The following MAML3 variants were observed in gnomAD, a reference collection of about 807,000 sequenced individuals.
The protein encoded by MAML3 is mastermind-like protein 3.
A neutral mutation model predicts 101.9 loss-of-function variants in MAML3; 27 were observed. The observed-to-expected ratio is 0.27, with a 90% CI of 0.20 to 0.37. MAML3 has a LOEUF of 0.37. Among genes scored for constraint, MAML3 ranks in the 10% least tolerant of loss-of-function variants. The probability of loss-of-function intolerance (pLI) is 1.00; values close to 1 mark genes in which losing one functional copy is unlikely to be tolerated. For synonymous variants in MAML3, 501 were observed against 555.9 expected (o/e 0.90, Z 1.39); for missense variants, 1,316 against 1,444.9 (o/e 0.91, Z 1.45).
At chr4:139,837,114 C>T (rs1259854629) in intron 2 of MAML3, among the ~76,000 whole-genome samples, 1 of 120,090 alleles carries the variant, frequency 8.3e-6, no homozygotes, top group African/African-American at 3.0e-5. Flanking sequence ...AAGAATGAAA[C>T]TCTGTCTCAA....
intron 1 of MAML3, among the ~76,000 whole-genome samples, chr4:140,100,213 T>C (rs901295195): frequency 1.3e-5 from 2 of 152,160 alleles, no homozygotes; most frequent in African/African-American, 4.8e-5. Flanking sequence ...TTAGCCCCAG[T>C]GCCACTTCCT....
chr4:139,998,419 T>C (rs1413131173), intron 1 of MAML3, among the ~76,000 whole-genome samples: 4 of 152,246 alleles, frequency 2.6e-5, no homozygotes, highest in Non-Finnish European at 5.9e-5. Context: ...AGTATTGTTA[T>C]ACTTTCCTTT....
At chr4:139,767,609 G>T (rs560450766) in intron 2 of MAML3, among the ~76,000 whole-genome samples, 18 of 152,286 alleles carry the variant, frequency 1.2e-4, no homozygotes, top group Admixed American at 3.9e-4. Flanking sequence ...GGTGATTTTG[G>T]AGTCCCATTA....
intron 2 of MAML3, among the ~76,000 whole-genome samples, chr4:139,885,982 TAAAGAAATAATATAAGAAC>T (rs1164847200): frequency 3.8e-4 from 38 of 100,524 alleles, no homozygotes; most frequent in South Asian, 3.4e-4. Flanking sequence ...GTAAAGGGAA[TAAAGAAATAATATAAGAAC>T]AAAGAAATAA....
At position 140,153,288 on chromosome 4, in the gene MAML3, T is replaced by C; in HGVS notation, c.40A>G (p.Ser14Gly). 1 of 1,604,994 alleles carries C rather than the reference T, an allele frequency of 6.2e-7. No individual in the cohort carries two copies. The highest frequency in any genetic ancestry group is 8.5e-7 in the Non-Finnish European group (1 of 1,175,352). Residue 14 changes from serine to glycine, a missense_variant, in exon 1 of 5, where the codon AGT becomes GGT. Ser to Gly is a moderately conservative substitution (Grantham distance 56). Coordinates refer to ENST00000509479, the MANE Select transcript of MAML3 (RefSeq NM_018717.5). ...FAAPAAAANG[S>G]SICINSSLNS... The stretch of plus-strand genomic sequence containing the variant: ...AGGCTACTGTTGATGCAAATACTAC[T>C]GCCATTCGCGGCAGCAGCGGGGGCT...
chr4:139,914,687 C>T (rs947886278), intron 1 of MAML3, among the ~76,000 whole-genome samples: 1 of 152,202 alleles, frequency 6.6e-6, no homozygotes, highest in Non-Finnish European at 1.5e-5. Context: ...AGAAATTCAA[C>T]GTTAATTGGG....
intron 1 of MAML3, among the ~76,000 whole-genome samples, chr4:140,029,363 G>C (rs746281068): frequency 2.6e-5 from 4 of 152,148 alleles, no homozygotes; most frequent in Admixed American, 6.5e-5. Flanking sequence ...CCACAAACTA[G>C]GAGAAATGCT....
intron 1 of MAML3, among the ~76,000 whole-genome samples, chr4:139,894,751 T>C (rs73854881): frequency 0.032 from 4,897 of 152,070 alleles, 249 homozygotes; most frequent in African/African-American, 0.11. Context: ...GCTCAACTCA[T>C]TGTATTACAC....
At chr4:139,729,891 G>A (rs1304277956) in intron 3 of MAML3, among the ~76,000 whole-genome samples, 3 of 152,204 alleles carry the variant, frequency 2.0e-5, no homozygotes, top group African/African-American at 7.2e-5. Flanking sequence ...CCCTGTGTGT[G>A]ACCCAGAGTT....
At chr4:139,929,314 T>C (rs62344955) in intron 1 of MAML3, among the ~76,000 whole-genome samples, 20,530 of 152,264 alleles carry the variant, frequency 0.13, 1,911 homozygotes, top group Non-Finnish European at 0.21. Flanking sequence ...GGCAATGAAA[T>C]TGAATTTATC....
chr4:139,765,865 G>A (rs893801629), intron 2 of MAML3, among the ~76,000 whole-genome samples: 1 of 152,130 alleles, frequency 6.6e-6, no homozygotes, highest in Non-Finnish European at 1.5e-5. Context: ...GTGCGTGCCT[G>A]TAGTCCCAGG....
chr4:140,097,844 C>T (rs982866494), intron 1 of MAML3, among the ~76,000 whole-genome samples: 2 of 152,220 alleles, frequency 1.3e-5, no homozygotes, highest in Non-Finnish European at 2.9e-5. Flanking sequence ...ATTTCCAATA[C>T]TGTGTTTCCA....
chr4:139,777,071 G>A (rs1324657907), intron 2 of MAML3, among the ~76,000 whole-genome samples: 1 of 152,186 alleles, frequency 6.6e-6, no homozygotes, highest in Non-Finnish European at 1.5e-5. Context: ...CCTCTGCAGG[G>A]TTTGGGGGAG....
At chr4:139,786,408 G>C (rs890005800) in intron 2 of MAML3, among the ~76,000 whole-genome samples, 13 of 152,102 alleles carry the variant, frequency 8.5e-5, no homozygotes, top group African/African-American at 3.1e-4. Context: ...CATCATTTTA[G>C]CTGATATATG....
intron 1 of MAML3, among the ~76,000 whole-genome samples, chr4:140,085,345 G>A (rs141602454): frequency 9.1e-4 from 138 of 152,260 alleles, no homozygotes; most frequent in African/African-American, 3.2e-3. Flanking sequence ...GGACACCCTA[G>A]TTTGGATCTG....
chr4:140,028,770 T>C (rs919424862), intron 1 of MAML3, among the ~76,000 whole-genome samples: 1 of 152,202 alleles, frequency 6.6e-6, no homozygotes, highest in African/African-American at 2.4e-5. Flanking sequence ...ATCTCTAGTA[T>C]GCTTTCCTTT....
intron 1 of MAML3, among the ~76,000 whole-genome samples, chr4:140,060,819 T>G (rs1727435452): frequency 6.6e-6 from 1 of 152,232 alleles, no homozygotes; most frequent in South Asian, 2.1e-4. Context: ...GACCTATTCC[T>G]AATTACGATA....
intron 1 of MAML3, among the ~76,000 whole-genome samples, chr4:140,100,282 C>T (rs1728233607): frequency 6.6e-6 from 1 of 152,178 alleles, no homozygotes; most frequent in African/African-American, 2.4e-5. Flanking sequence ...GTGTCTATGC[C>T]TTTCTCAAGT....
chr4:139,757,930 T>A (rs1233935039), intron 2 of MAML3, among the ~76,000 whole-genome samples: 1 of 152,088 alleles, frequency 6.6e-6, no homozygotes. Flanking sequence ...GCTGGTCACT[T>A]CCTCTCTGAA....
Sources: allele counts gnomAD v4.1 joint callset (sites outside exome capture counted in the v4.1 genomes callset), GRCh38; gene constraint gnomAD v4.1.1; transcripts MANE v1.5; gene names NCBI Gene and HGNC (gene_info 2026-07-23, HGNC 2026-07-21).